The following CLEC2L variants were observed in gnomAD, a reference collection of about 807,000 sequenced individuals.
CLEC2L encodes C-type lectin domain family 2, member L.
CLEC2L carries 14 observed loss-of-function variants against 23.6 expected under a neutral mutation model. The observed-to-expected ratio is 0.59, with a 90% CI of 0.39 to 0.93. The LOEUF (loss-of-function observed/expected upper bound fraction) is 0.93, where lower values mean the gene tolerates loss of function less well. CLEC2L is among the 40% of genes least tolerant of loss of function. The pLI is 0.00. For synonymous variants in CLEC2L, 114 were observed against 121.3 expected (o/e 0.94, Z 0.40); for missense variants, 264 against 282.4 (o/e 0.93, Z 0.47).
chr7:139,525,543 G>C (rs575485512), intron 1 of CLEC2L, among the ~76,000 whole-genome samples: 1 of 152,252 alleles, frequency 6.6e-6, no homozygotes, highest in Admixed American at 6.5e-5. Context: ...GAGGTGGTCA[G>C]ACACCCCCCC....
At chr7:139,537,615 GGGATGGGGTGA>G (rs1797678042) in intron 2 of CLEC2L, among the ~76,000 whole-genome samples, 1 of 152,212 alleles carries the variant, frequency 6.6e-6, no homozygotes, top group Non-Finnish European at 1.5e-5. Flanking sequence ...GGTATGAGAG[GGGATGGGGTGA>G]GGGATGGGGA....
chr7:139,530,026 AAAAC>A (rs1797557722), intron 1 of CLEC2L, among the ~76,000 whole-genome samples: 1 of 151,850 alleles, frequency 6.6e-6, no homozygotes, highest in African/African-American at 2.4e-5. Flanking sequence ...AAAAAAAAAA[AAAAC>A]AAAATTAGCC....
intron 4 of CLEC2L, among the ~76,000 whole-genome samples, chr7:139,543,373 G>A (rs1400930300): frequency 6.6e-6 from 1 of 152,200 alleles, no homozygotes; most frequent in African/African-American, 2.4e-5. Flanking sequence ...GAGCCCTGCA[G>A]GCTGGGGTCC....
rs1406150165 is a variant in CLEC2L, at chr7:139,540,732, G to A, written c.432+245G>A. Among the ~76,000 whole-genome samples the A allele has an allele frequency of 6.6e-6, 1 of 152,258 alleles. No homozygotes were observed. The highest frequency in any genetic ancestry group is 1.9e-4 in the East Asian group (1 of 5,178). On this transcript the variant is annotated intron_variant, in intron 3 of 4. Coordinates refer to ENST00000422142, the MANE Select transcript of CLEC2L (RefSeq NM_001080511.4). This position sits in a 1 kb window ranked among gnomAD's most constrained non-coding sequence, Gnocchi z 5.8. ...TTTCAATCCAAGGCCCACTGGTTGA[G>A]GTCACTTAGTATTATAAACCAGAAG...
At chr7:139,525,460 C>T (rs534676706) in intron 1 of CLEC2L, among the ~76,000 whole-genome samples, 47 of 152,012 alleles carry the variant, frequency 3.1e-4, no homozygotes, top group African/African-American at 9.2e-4. Flanking sequence ...ACAGAGGAGG[C>T]GAAGATGTTG....
At chr7:139,537,799 A>G (rs1797680377) in intron 2 of CLEC2L, among the ~76,000 whole-genome samples, 1 of 152,250 alleles carries the variant, frequency 6.6e-6, no homozygotes, top group South Asian at 2.1e-4. Flanking sequence ...CATCAAGGAA[A>G]TAGAACATGC....
At chr7:139,538,302 G>A (rs1797686998) in intron 2 of CLEC2L, among the ~76,000 whole-genome samples, 1 of 150,896 alleles carries the variant, frequency 6.6e-6, no homozygotes, top group Admixed American at 6.6e-5. Context: ...GCATGGTGGT[G>A]TGTACCTGTA....
chr7:139,544,184 C>G, intron 4 of CLEC2L, 47 bp from the exon 5 acceptor site: 1 of 1,462,830 alleles, frequency 6.8e-7, no homozygotes, highest in Admixed American at 1.9e-5. Flanking sequence ...GGGTTTTGGG[C>G]TGAATGTTCC....
intron 1 of CLEC2L, among the ~76,000 whole-genome samples, chr7:139,529,528 C>A (rs1797550054): frequency 1.3e-5 from 2 of 152,124 alleles, no homozygotes; most frequent in Non-Finnish European, 2.9e-5. Flanking sequence ...TCGTGTAGCT[C>A]CAGGAAACTG....
At chr7:139,542,150 C>T in intron 4 of CLEC2L, 29 bp downstream of exon 4, 1 of 1,506,680 alleles carries the variant, frequency 6.6e-7, no homozygotes. Flanking sequence ...TTCTGGCTAC[C>T]GAGCTTAGAC....
At chr7:139,538,658 A>C (rs556912269) in intron 2 of CLEC2L, among the ~76,000 whole-genome samples, 296 of 152,286 alleles carry the variant, frequency 1.9e-3, no homozygotes, top group Non-Finnish European at 2.9e-3. Flanking sequence ...CTGAGGCGGG[A>C]GAATTGCTTG....
intron 1 of CLEC2L, among the ~76,000 whole-genome samples, chr7:139,533,336 G>A (rs1797605858): frequency 6.6e-6 from 1 of 152,144 alleles, no homozygotes; most frequent in Non-Finnish European, 1.5e-5. Context: ...TTGGCTTTGG[G>A]GAAGGAGCAA....
chr7:139,524,175 G>A, intron 1 of CLEC2L, 58 bp downstream of exon 1: 3 of 1,151,908 alleles, frequency 2.6e-6, no homozygotes, highest in Non-Finnish European at 3.2e-6. Context: ...GGCCCGACCC[G>A]CGACCCGGAG....
rs1011099577 is a variant in CLEC2L, at chr7:139,539,412, T to C, written c.266-909T>C. On this transcript the variant is annotated intron_variant, in intron 2 of 4. Coordinates refer to ENST00000422142, the MANE Select transcript of CLEC2L (RefSeq NM_001080511.4). This position sits in a 1 kb window ranked among gnomAD's most constrained non-coding sequence, Gnocchi z 4.1. ...AAAACAATCTAAGATTGTGGATTAA[T>C]TCCTTTTGGCAAGGAGGCCCTTTGA... 1 of 152,214 alleles carries C rather than the reference T, an allele frequency of 6.6e-6. No individual in the cohort carries two copies. Among genetic ancestry groups the C allele is most frequent in the African/African-American group, 2.4e-5 (1 of 41,456 alleles). The allele number at this position is 152,214 out of a possible 1,614,324, so 9.4% of individuals were successfully genotyped here. A position where few individuals can be genotyped will look rare whatever the true frequency, so the allele number is the denominator to read the frequency against.
intron 4 of CLEC2L, 98 bp downstream of exon 4, chr7:139,542,219 G>T: frequency 1.3e-6 from 1 of 780,192 alleles, no homozygotes; most frequent in Non-Finnish European, 2.1e-6. Flanking sequence ...CCCTTGTTTT[G>T]TGCTAGCTAG....
At position 139,540,601 on chromosome 7, in the gene CLEC2L, A is replaced by G; in HGVS notation, c.432+114A>G. The G allele has an allele frequency of 1.6e-6, 2 of 1,253,290 alleles. No individual in the cohort carries two copies. Among genetic ancestry groups the G allele is most frequent in the Non-Finnish European group, 2.2e-6 (2 of 889,360 alleles). 77.6% of individuals were successfully genotyped at this position (1,253,290 alleles called of 1,614,324 possible). ...GCAGTGTTCCCTGTGACACGTCTCC[A>G]AAGCCGCCCACCTGCTGCATAACCA... On this transcript the variant is annotated intron_variant, in intron 3 of 4. Coordinates refer to ENST00000422142, the MANE Select transcript of CLEC2L (RefSeq NM_001080511.4). The surrounding 1 kb of genome is among the most constrained non-coding windows in gnomAD (Gnocchi z 5.8).
rs1371964946 is a variant in CLEC2L, at chr7:139,536,336, A to T, written c.253A>T (p.Met85Leu). 1 of 1,551,344 alleles carries T rather than the reference A, an allele frequency of 6.4e-7. No individual in the cohort carries two copies. Among genetic ancestry groups the T allele is most frequent in the Admixed American group, 2.0e-5 (1 of 50,984 alleles). ...AVLLFAILVVMSILASKGCIK... is the reference protein window; with the variant it reads ...AVLLFAILVVLSILASKGCIK... ...CCTTCTGTTCGCCATCTTGGTGGTGATGAGCATCTTGGGTGAGCATGCGTG... is the reference window on the plus strand; with the variant it reads ...CCTTCTGTTCGCCATCTTGGTGGTGTTGAGCATCTTGGGTGAGCATGCGTG... Residue 85 changes from methionine (M) to leucine (L), a missense_variant, in exon 2 of 5, where the codon ATG becomes TTG. By Grantham distance (15) the Met-to-Leu change is conservative. Coordinates refer to ENST00000422142, the MANE Select transcript of CLEC2L (RefSeq NM_001080511.4).
chr7:139,538,099 A>G (rs561478746), intron 2 of CLEC2L, among the ~76,000 whole-genome samples: 1 of 152,296 alleles, frequency 6.6e-6, no homozygotes, highest in Non-Finnish European at 1.5e-5. Context: ...CCTCCCCTAT[A>G]GGGCTTGTAT....
chr7:139,533,060 G>A (rs1457107335), intron 1 of CLEC2L, among the ~76,000 whole-genome samples: 2 of 152,122 alleles, frequency 1.3e-5, no homozygotes, highest in African/African-American at 2.4e-5. Flanking sequence ...CATAGCACAC[G>A]GCATGGCTTT....
Sources: gnomAD v4.1 joint callset for allele counts (sites outside exome capture counted in the v4.1 genomes callset) on GRCh38, gnomAD v4.1.1 for gene constraint, Gnocchi (gnomAD v3.1) non-coding constraint, MANE v1.5 for transcripts, NCBI Gene and HGNC (gene_info 2026-07-23, HGNC 2026-07-21) for gene names.